OTOGL: variants seen among roughly 807,000 people sequenced by gnomAD.
The protein encoded by OTOGL is otogelin like.
OTOGL carries 285 observed loss-of-function variants against 318.5 expected under a neutral mutation model. The ratio of observed to expected loss-of-function variants is 0.89; its 90% CI spans 0.81 to 0.99. The LOEUF (loss-of-function observed/expected upper bound fraction) is 0.99, where lower values mean the gene tolerates loss of function less well. Among genes scored for constraint, OTOGL ranks in the 50% least tolerant of loss-of-function variants. The pLI, the probability that OTOGL is intolerant of heterozygous loss-of-function variation, is 0.00. For synonymous variants in OTOGL, 987 were observed against 936.5 expected (o/e 1.05, Z -0.99); for missense variants, 2,899 against 2,845.6 (o/e 1.02, Z -0.43).
rs1264657300 is a variant in OTOGL at position 80,266,560 on chromosome 12, C to T, written c.2334C>T (p.Gly778=). Residue 778 remains glycine, a synonymous_variant, in exon 21 of 59, where the codon GGC becomes GGT. Coordinates refer to ENST00000547103, the MANE Select transcript of OTOGL (RefSeq NM_001378609.3). Reference sequence around the variant, plus strand: ...AGTGCAGTGATGACTGTGCTGAAGGCTGTAATTGTCCGGAAGGCAAATTCT... The same window carrying T: ...AGTGCAGTGATGACTGTGCTGAAGGTTGTAATTGTCCGGAAGGCAAATTCT... The part of the protein sequence containing the change: ...PEQCSDDCAE[G]CNCPEGKFYE... The T allele has an allele frequency of 1.2e-6, 2 of 1,613,570 alleles. No individual in the cohort carries two copies. Among genetic ancestry groups the T allele is most frequent in the South Asian group, 2.2e-5 (2 of 91,056 alleles).
intron 1 of OTOGL, among the ~76,000 whole-genome samples, chr12:80,203,329 A>T (rs757816009): frequency 2.8e-4 from 41 of 146,494 alleles, no homozygotes; most frequent in Non-Finnish European, 2.4e-4. Context: ...CCATCTTCAA[A>T]TTTTTTTTTT....
Position 80,233,015 on chromosome 12 carries a change from G to T in OTOGL, c.735G>T (p.Leu245=). 2 of 1,598,638 alleles carry T rather than the reference G, an allele frequency of 1.3e-6. No homozygotes were observed. Among genetic ancestry groups the T allele is most frequent in the South Asian group, 1.1e-5 (1 of 91,064 alleles). ...GGATATCTGGGATCTACCTCAAGCT[G>T]TCTGAGGACCATAAGGGGAAATCAT... ...WDGISGIYLK[L]SEDHKGKSCG... Residue 245 remains leucine (L), a synonymous_variant, in exon 9 of 59, where the codon CTG becomes CTT. Transcript: ENST00000547103.
intron 1 of OTOGL, among the ~76,000 whole-genome samples, chr12:80,203,022 G>A (rs1876567551): frequency 6.6e-6 from 1 of 152,190 alleles, no homozygotes; most frequent in African/African-American, 2.4e-5. Flanking sequence ...ATGAGAATTA[G>A]ATAAGTGTTA....
Position 80,276,315 on chromosome 12 carries a change from T to C in OTOGL, c.2682-1853T>C, listed in dbSNP as rs901764683. 1.1e-4 allele frequency among the ~76,000 whole-genome samples: 16 copies of C among 151,874 alleles called. 1 individual carries two copies. Among genetic ancestry groups the C allele is most frequent in the African/African-American group, 3.9e-4 (16 of 41,492 alleles). On this transcript the variant is annotated intron_variant, in intron 24 of 58. Transcript: ENST00000547103. ...TATTAGATAATAATAGAATCTACCT[T>C]AGGGGACTGTCACTAGGATAAGATC...
rs1224875134 is a variant in OTOGL at position 80,163,122 on chromosome 12, TTTTA to T, written c.-19-46283_-19-46280del. Among the ~76,000 whole-genome samples, 7 of 152,284 alleles carry T rather than the reference TTTTA, an allele frequency of 4.6e-5. No homozygotes were observed. In the South Asian group the frequency reaches 6.2e-4, roughly 14 times the overall value. On this transcript the variant is annotated intron_variant, in intron 1 of 58. Coordinates refer to ENST00000547103, the MANE Select transcript of OTOGL (RefSeq NM_001378609.3). ...AAAAAAAATTCCAGGAGAGTTTTTA[TTTTA>T]TTTATTTGTCATAATTAACTTTTAT... is the stretch of plus-strand genomic sequence containing the variant.
intron 1 of OTOGL, among the ~76,000 whole-genome samples, chr12:80,152,744 C>T (rs1024476097): frequency 3.9e-5 from 6 of 151,952 alleles, no homozygotes; most frequent in East Asian, 1.9e-4. Context: ...GCTGGAGTGC[C>T]GTGGCACAAT....
intron 29 of OTOGL, 81 bp downstream of exon 29, chr12:80,305,776 G>T: frequency 1.5e-5 from 17 of 1,104,620 alleles, no homozygotes; most frequent in South Asian, 5.4e-5. Context: ...TTCTTATTTA[G>T]GTAATATTAT....
chr12:80,108,826 T>A (rs888715617), intron 1 of OTOGL, among the ~76,000 whole-genome samples: 4 of 125,074 alleles, frequency 3.2e-5, no homozygotes, highest in African/African-American at 1.3e-4. Context: ...TATATATATG[T>A]ATATATATTG....
intron 54 of OTOGL, among the ~76,000 whole-genome samples, 178 bp from the exon 55 acceptor site, chr12:80,368,027 C>T (rs1890657814): frequency 6.6e-6 from 1 of 152,076 alleles, no homozygotes; most frequent in African/African-American, 2.4e-5. Context: ...ACATCTATCT[C>T]ACTTCTAATA....
rs768749743 is a variant in OTOGL, at chr12:80,355,854, C to G, written c.5712C>G (p.Asp1904Glu). ...ENGSIIPIEP[D>E]CDEEPTPVCE... ...GAAGCATTATCCCTATAGAACCTGACTGTGATGAAGAGCCCACGCCAGTTT... is the reference window on the plus strand; with the variant it reads ...GAAGCATTATCCCTATAGAACCTGAGTGTGATGAAGAGCCCACGCCAGTTT... Residue 1904 changes from aspartate (D) to glutamate (E), a missense_variant, in exon 47 of 59, where the codon GAC becomes GAG. Asp to Glu is a conservative substitution (Grantham distance 45, BLOSUM62 2). Around this residue, in one of 3 missense-constraint regions of OTOGL, gnomAD observed 2,607 missense variants for 2,524.9 expected, o/e 1.03. Coordinates refer to ENST00000547103, the MANE Select transcript of OTOGL (RefSeq NM_001378609.3). 33 of 1,613,902 alleles carry G rather than the reference C, an allele frequency of 2.0e-5. No individual in the cohort carries two copies. Among genetic ancestry groups the G allele is most frequent in the Middle Eastern group, 1.7e-4 (1 of 6,060 alleles).
In OTOGL at chr12:80,355,882, GA is replaced by G. The variant is rs1173779851; in HGVS notation, c.5742del (p.Glu1914AspfsTer42). 12 of 1,613,820 alleles carry G rather than the reference GA, an allele frequency of 7.4e-6. No individual in the cohort carries two copies. The highest frequency in any genetic ancestry group is 1.0e-5 in the Non-Finnish European group (12 of 1,179,836). ...DCDEEPTPVC[E>X]REAEVVMGII... ...TGATGAAGAGCCCACGCCAGTTTGT[GA>G]ACGAGAAGCTGAAGTTGTCATGGGC... On this transcript the variant is annotated frameshift_variant, in exon 47 of 59. Coordinates refer to ENST00000547103, the MANE Select transcript of OTOGL (RefSeq NM_001378609.3). LOFTEE classifies it high-confidence loss of function.
chr12:80,204,909 G>T (rs1876706924), intron 1 of OTOGL, among the ~76,000 whole-genome samples: 2 of 152,008 alleles, frequency 1.3e-5, no homozygotes, highest in Admixed American at 1.3e-4. Context: ...TTTTTGGAGG[G>T]GAACATACTC....
At chr12:80,110,693 A>T (rs968510045) in intron 1 of OTOGL, among the ~76,000 whole-genome samples, 2 of 152,170 alleles carry the variant, frequency 1.3e-5, no homozygotes, top group Admixed American at 1.3e-4. Context: ...TGCTATTGTG[A>T]ATAGTGCTGT....
At chr12:80,328,795 T>G in intron 36 of OTOGL, 51 bp downstream of exon 36, 1 of 1,485,032 alleles carries the variant, frequency 6.7e-7, no homozygotes, top group Admixed American at 1.8e-5. Context: ...CGCTTGCATA[T>G]GTTTTTTCCG....
intron 14 of OTOGL, among the ~76,000 whole-genome samples, chr12:80,254,207 G>A (rs557548160): frequency 4.7e-4 from 72 of 152,052 alleles, no homozygotes; most frequent in Admixed American, 1.6e-3. Context: ...GACATAAGAG[G>A]AGATCTCTTC....
intron 34 of OTOGL, 55 bp downstream of exon 34, chr12:80,320,755 G>T (rs1887282323): frequency 5.6e-6 from 8 of 1,426,972 alleles, no homozygotes; most frequent in Non-Finnish European, 5.6e-6. Context: ...ATATTAGGCA[G>T]AATATTTATG....
At chr12:80,165,967 TA>T (rs1873803867) in intron 1 of OTOGL, among the ~76,000 whole-genome samples, 1 of 152,200 alleles carries the variant, frequency 6.6e-6, no homozygotes, top group African/African-American at 2.4e-5. Flanking sequence ...CTTCCTGCTG[TA>T]AAGCCAATAT....
chr12:80,121,853 T>C (rs1247258544), intron 1 of OTOGL, among the ~76,000 whole-genome samples: 1 of 152,154 alleles, frequency 6.6e-6, no homozygotes, highest in Non-Finnish European at 1.5e-5. Context: ...ACAATTTGTA[T>C]TGAGTTCCAG....
intron 29 of OTOGL, among the ~76,000 whole-genome samples, chr12:80,307,849 C>T (rs1379157470): frequency 7.2e-6 from 1 of 138,688 alleles, no homozygotes; most frequent in South Asian, 2.2e-4. Flanking sequence ...CCGGACAGGG[C>T]GGCTGGCCGG....
Sources: allele counts gnomAD v4.1 joint callset (sites outside exome capture counted in the v4.1 genomes callset), GRCh38; gene constraint gnomAD v4.1.1; regional missense constraint gnomAD v4.1.1; transcripts MANE v1.5; gene names NCBI Gene and HGNC (gene_info 2026-07-23, HGNC 2026-07-21).